IGF2BP3: variants seen among roughly 807,000 people sequenced by gnomAD.
IGF2BP3 encodes the protein insulin-like growth factor 2 mRNA-binding protein 3.
Under a neutral mutation model 73.8 loss-of-function variants are expected in IGF2BP3, and 9 were observed. The observed-to-expected ratio is 0.12, with a 90% CI of 0.07 to 0.21. The LOEUF is 0.21. Among genes scored for constraint, IGF2BP3 ranks in the 10% least tolerant of loss-of-function variants. The pLI is 1.00. For missense variants in IGF2BP3, 542 were observed against 714.0 expected, an observed-to-expected ratio of 0.76 and a Z score of 2.75; for synonymous variants, 258 against 256.7, an observed-to-expected ratio of 1.01 and a Z score of -0.05.
At chr7:23,438,206 A>G (rs375336171) in intron 2 of IGF2BP3, among the ~76,000 whole-genome samples, 5 of 152,180 alleles carry the variant, frequency 3.3e-5, no homozygotes, top group East Asian at 3.9e-4. Context: ...TGCAACCTCC[A>G]CCTCCCAGGT....
At chr7:23,438,361 C>G (rs1446833636) in intron 2 of IGF2BP3, among the ~76,000 whole-genome samples, 1 of 152,156 alleles carries the variant, frequency 6.6e-6, no homozygotes, top group African/African-American at 2.4e-5. Flanking sequence ...TAATCTGCCC[C>G]CCTTGGCATT....
intron 10 of IGF2BP3, among the ~76,000 whole-genome samples, chr7:23,322,237 G>T (rs922312977): frequency 6.6e-6 from 1 of 152,190 alleles, no homozygotes; most frequent in Non-Finnish European, 1.5e-5. Flanking sequence ...GGAGCTGATG[G>T]AGCTGAAAAC....
chr7:23,329,972 G>A (rs1216629911), intron 10 of IGF2BP3, among the ~76,000 whole-genome samples: 1 of 152,080 alleles, frequency 6.6e-6, no homozygotes, highest in Non-Finnish European at 1.5e-5. Flanking sequence ...GCTCTCAATG[G>A]GTATAGATAT....
At chr7:23,344,604 G>T (rs143986248) in intron 8 of IGF2BP3, among the ~76,000 whole-genome samples, 1 of 152,322 alleles carries the variant, frequency 6.6e-6, no homozygotes, top group East Asian at 1.9e-4. Flanking sequence ...CTGGTCAACA[G>T]CCTTGAGAGG....
At chr7:23,435,485 G>A (rs1321131631) in intron 2 of IGF2BP3, among the ~76,000 whole-genome samples, 8 of 149,118 alleles carry the variant, frequency 5.4e-5, no homozygotes, top group Admixed American at 1.3e-4. Context: ...ACGGAGTCTC[G>A]CTCTGTCGCC....
intron 2 of IGF2BP3, among the ~76,000 whole-genome samples, chr7:23,420,783 T>C (rs1787322570): frequency 1.3e-5 from 2 of 152,184 alleles, no homozygotes; most frequent in Non-Finnish European, 2.9e-5. Flanking sequence ...AGAAGCACTT[T>C]TACATTATTT....
intron 3 of IGF2BP3, chr7:23,405,022 T>A (rs1305980285): frequency 6.6e-6 from 1 of 152,124 alleles, no homozygotes; most frequent in African/African-American, 2.4e-5. Flanking sequence ...TGCATACACA[T>A]CTCTAGTGCT....
intron 10 of IGF2BP3, among the ~76,000 whole-genome samples, chr7:23,325,985 C>T (rs1784283580): frequency 6.6e-6 from 1 of 151,934 alleles, no homozygotes; most frequent in Admixed American, 6.6e-5. Context: ...CTAGGCATTA[C>T]CATTCAGGAC....
At chr7:23,313,438 C>A in intron 13 of IGF2BP3, 84 bp downstream of exon 13, 1 of 1,478,256 alleles carries the variant, frequency 6.8e-7, no homozygotes, top group Non-Finnish European at 9.1e-7. Flanking sequence ...ATAAATTAGC[C>A]AAAATTCGGG....
chr7:23,340,211 G>C (rs1784674026), intron 10 of IGF2BP3, among the ~76,000 whole-genome samples: 1 of 152,056 alleles, frequency 6.6e-6, no homozygotes, highest in South Asian at 2.1e-4. Context: ...GGCACGTAAT[G>C]AATCTATGCA....
intron 13 of IGF2BP3, among the ~76,000 whole-genome samples, chr7:23,313,252 A>G (rs1783883532): frequency 6.6e-6 from 1 of 152,228 alleles, no homozygotes; most frequent in Non-Finnish European, 1.5e-5. Flanking sequence ...CTGTTCCATA[A>G]AAAGCTAAAG....
rs1268531699 is a variant in IGF2BP3 at position 23,469,932 on chromosome 7, C to A, written c.175+4G>T. The A allele has an allele frequency of 6.2e-7, 1 of 1,606,710 alleles. No individual in the cohort carries two copies. The highest frequency in any genetic ancestry group is 1.1e-5 in the South Asian group (1 of 90,332). ...AGCCCGGGTGGGGCCAGGCCCGGGC[C>A]CACCTGAAAGCGCCTCGATGGCCTT... On this transcript the variant is annotated splice_donor_region_variant and intron_variant, in intron 1 of 14. Coordinates refer to ENST00000258729, the MANE Select transcript of IGF2BP3 (RefSeq NM_006547.3). This position sits in a 1 kb window ranked among gnomAD's most constrained non-coding sequence, Gnocchi z 6.1.
At chr7:23,337,053 T>C (rs933966800) in intron 10 of IGF2BP3, among the ~76,000 whole-genome samples, 6 of 152,156 alleles carry the variant, frequency 3.9e-5, no homozygotes, top group African/African-American at 1.4e-4. Flanking sequence ...CAAAAAGTGG[T>C]GACCACTAGG....
intron 10 of IGF2BP3, among the ~76,000 whole-genome samples, chr7:23,333,224 A>AT (rs1238913465): frequency 1.3e-5 from 2 of 152,252 alleles, no homozygotes; most frequent in Non-Finnish European, 1.5e-5. Flanking sequence ...CTCGCAGCTA[A>AT]TTTTTTAAAA....
chr7:23,366,889 C>G (rs1328868927), intron 3 of IGF2BP3, among the ~76,000 whole-genome samples: 3 of 151,660 alleles, frequency 2.0e-5, no homozygotes, highest in Non-Finnish European at 4.4e-5. Context: ...TGAATATGCT[C>G]TTTTATATCA....
At chr7:23,327,598 C>G (rs1784337645) in intron 10 of IGF2BP3, among the ~76,000 whole-genome samples, 1 of 152,126 alleles carries the variant, frequency 6.6e-6, no homozygotes, top group Non-Finnish European at 1.5e-5. Flanking sequence ...CTTAAAAAGT[C>G]TCAAACAACC....
intron 2 of IGF2BP3, among the ~76,000 whole-genome samples, chr7:23,420,195 T>C (rs768996148): frequency 2.0e-5 from 3 of 152,232 alleles, no homozygotes; most frequent in Non-Finnish European, 4.4e-5. Context: ...ATTAGAACTA[T>C]AGGACAGGCC....
Position 23,469,975 on chromosome 7 carries a change from C to T in IGF2BP3, c.136G>A (p.Asp46Asn), listed in dbSNP as rs1353876896. The T allele has an allele frequency of 6.2e-7, 1 of 1,612,396 alleles. No homozygotes were observed. The highest frequency in any genetic ancestry group is 1.3e-5 in the African/African-American group (1 of 75,010). Residue 46 changes from aspartate to asparagine, a missense_variant, in exon 1 of 15, where the codon GAC (aspartate) becomes AAC (asparagine). Physicochemically the swap from Asp to Asn is conservative, Grantham distance 23 (BLOSUM62 1). This residue lies in a region of IGF2BP3 where 239 missense variants were observed against 241.9 expected (regional missense o/e 0.99). Transcript: ENST00000258729. The surrounding 1 kb of genome is among the most constrained non-coding windows in gnomAD (Gnocchi z 6.1). Reference protein sequence around the residue: ...KTGYAFVDCPDESWALKAIEA... With the variant: ...KTGYAFVDCPNESWALKAIEA... The stretch of plus-strand genomic sequence containing the variant: ...ATGGCCTTGAGGGCCCAGCTCTCGT[C>T]CGGGCAGTCCACGAACGCGTAGCCA...
chr7:23,399,662 T>C (rs1258790889), intron 3 of IGF2BP3, among the ~76,000 whole-genome samples: 1 of 152,178 alleles, frequency 6.6e-6, no homozygotes, highest in Non-Finnish European at 1.5e-5. Context: ...CTAATATACC[T>C]ATTCTTATTT....
Sources: allele counts gnomAD v4.1 joint callset (sites outside exome capture counted in the v4.1 genomes callset), GRCh38; gene constraint gnomAD v4.1.1; regional missense constraint gnomAD v4.1.1; non-coding constraint Gnocchi (gnomAD v3.1); transcripts MANE v1.5; gene names NCBI Gene and HGNC (gene_info 2026-07-23, HGNC 2026-07-21).